NREP: variants seen among roughly 807,000 people sequenced by gnomAD.
NREP encodes the protein neuronal regeneration related protein, also known as neuronal regeneration-related protein.
In NREP, 5 loss-of-function variants were observed where a neutral mutation model predicts 8.6. The ratio of observed to expected loss-of-function variants is 0.58; its 90% CI spans 0.30 to 1.22. The LOEUF (loss-of-function observed/expected upper bound fraction) is 1.22, where lower values mean the gene tolerates loss of function less well. NREP is among the 50% of genes most tolerant of loss of function. The pLI is 0.07. For synonymous variants in NREP, 27 were observed against 28.0 expected (o/e 0.96, Z 0.11); for missense variants, 86 against 82.5 (o/e 1.04, Z -0.17).
intron 2 of NREP, among the ~76,000 whole-genome samples, chr5:111,804,064 G>A (rs10075129): frequency 0.065 from 9,947 of 152,110 alleles, 365 homozygotes; most frequent in African/African-American, 0.085. Flanking sequence ...GAGTGGTCAG[G>A]GAAAGTTTAA....
rs116237800 is a variant in NREP at position 111,892,844 on chromosome 5, G to A, written c.135+82430C>T. ...TTCCATAAACCCTACGAAAATTTGG[G>A]TTTCTTAGGATCTGAGGGTAGTGGA... is the stretch of plus-strand genomic sequence containing the variant. On this transcript the variant is annotated intron_variant, in intron 2 of 3. Coordinates refer to the NREP transcript ENST00000395634. Among the ~76,000 whole-genome samples the A allele has an allele frequency of 2.6e-3, 389 of 152,194 alleles. 3 individuals are homozygous for A. Among genetic ancestry groups the A allele is most frequent in the African/African-American group, 9.0e-3 (375 of 41,506 alleles).
At chr5:111,848,857 AG>A (rs11298816) in intron 2 of NREP, among the ~76,000 whole-genome samples, 6,955 of 152,202 alleles carry the variant, frequency 0.046, 546 homozygotes, top group African/African-American at 0.16. Context: ...CCTGAGCCTA[AG>A]AAACAGCAGT....
chr5:111,871,815 T>C (rs1412971070), intron 2 of NREP, among the ~76,000 whole-genome samples: 1 of 149,890 alleles, frequency 6.7e-6, no homozygotes, highest in Non-Finnish European at 1.5e-5. Context: ...ATATGCAGTT[T>C]GTCATTGACC....
chr5:111,742,017 T>C (rs1014352195), intron 2 of NREP, among the ~76,000 whole-genome samples: 1 of 152,126 alleles, frequency 6.6e-6, no homozygotes, highest in Non-Finnish European at 1.5e-5. Context: ...GCCTGGTAAG[T>C]CCTTAACATG....
intron 2 of NREP, 164 bp downstream of exon 2, chr5:111,755,606 T>C (rs1750649613): frequency 8.5e-6 from 6 of 709,244 alleles, no homozygotes; most frequent in South Asian, 7.3e-5. Flanking sequence ...TTCACATAAA[T>C]TGCTGTACTG....
At chr5:111,809,901 G>T (rs1752233409) in intron 2 of NREP, among the ~76,000 whole-genome samples, 1 of 150,814 alleles carries the variant, frequency 6.6e-6, no homozygotes, top group South Asian at 2.1e-4. Context: ...GTGTGTGTGT[G>T]TGTGTGTGTG....
chr5:111,809,876 T>C (rs201026521), intron 2 of NREP, among the ~76,000 whole-genome samples: 34,899 of 122,898 alleles, frequency 0.28, 5,013 homozygotes, highest in East Asian at 0.49. Context: ...TTGGCGTGTG[T>C]GTGTGTGTGT....
intron 2 of NREP, among the ~76,000 whole-genome samples, chr5:111,932,333 G>A (rs1581230069): frequency 6.6e-6 from 1 of 151,930 alleles, no homozygotes; most frequent in East Asian, 1.9e-4. Context: ...TACACTGAAT[G>A]GAATGTATTA....
At chr5:111,757,801 T>G, upstream of NREP, 1 of 970,878 alleles carries the variant, frequency 1.0e-6, no homozygotes, top group Non-Finnish European at 1.2e-6. Flanking sequence ...CGCCTCGACG[T>G]GCGGTTGCTT....
intron 2 of NREP, among the ~76,000 whole-genome samples, chr5:111,821,589 C>CA (rs1752516013): frequency 6.6e-6 from 1 of 151,908 alleles, no homozygotes; most frequent in African/African-American, 2.4e-5. Flanking sequence ...ATTTCTTGAC[C>CA]AAAAAAATGC....
intron 2 of NREP, among the ~76,000 whole-genome samples, chr5:111,738,093 T>C (rs1749310886): frequency 6.6e-6 from 1 of 152,174 alleles, no homozygotes; most frequent in Non-Finnish European, 1.5e-5. Context: ...TCCCTAGACA[T>C]AGTACCTAAA....
intron 2 of NREP, among the ~76,000 whole-genome samples, chr5:111,842,284 TA>T (rs1244460506): frequency 6.6e-6 from 1 of 152,186 alleles, no homozygotes; most frequent in African/African-American, 2.4e-5. Context: ...TTTGCTATGC[TA>T]GAGACAATGT....
intron 2 of NREP, among the ~76,000 whole-genome samples, chr5:111,938,506 A>C (rs928406846): frequency 1.3e-5 from 2 of 152,076 alleles, no homozygotes; most frequent in African/African-American, 4.8e-5. Context: ...CTTGAGAAAA[A>C]TCAGTATGGT....
At chr5:111,944,296 C>T (rs1227795066) in intron 2 of NREP, among the ~76,000 whole-genome samples, 1 of 151,918 alleles carries the variant, frequency 6.6e-6, no homozygotes, top group Non-Finnish European at 1.5e-5. Flanking sequence ...TCTCATTCCT[C>T]TTTGTTCTTC....
chr5:111,857,973 A>G lies in NREP; in HGVS notation c.135+117301T>C, dbSNP rs961932353. 5.9e-5 allele frequency among the ~76,000 whole-genome samples: 9 copies of G among 152,076 alleles called. 1 individual carries two copies. Among genetic ancestry groups the G allele is most frequent in the African/African-American group, 1.9e-4 (8 of 41,418 alleles). On this transcript the variant is annotated intron_variant, in intron 2 of 3. Transcript: ENST00000395634. ...AACTCCAAAGGAGATTAAAAAAAAA[A>G]AAAGACCCATTCAGTCCTCTGCTAT...
intron 2 of NREP, among the ~76,000 whole-genome samples, chr5:111,882,450 C>T (rs572263952): frequency 3.9e-4 from 60 of 152,200 alleles, no homozygotes; most frequent in South Asian, 2.3e-3. Context: ...GCAAGGCAGG[C>T]GACCATTTGG....
chr5:111,944,394 A>G (rs1755918239), intron 2 of NREP, among the ~76,000 whole-genome samples: 1 of 151,946 alleles, frequency 6.6e-6, no homozygotes, highest in Admixed American at 6.6e-5. Context: ...TGCAGCCTCA[A>G]CCTCCTGGGC....
intron 2 of NREP, among the ~76,000 whole-genome samples, chr5:111,787,684 T>C (rs944426080): frequency 3.3e-5 from 5 of 152,230 alleles, no homozygotes; most frequent in Non-Finnish European, 5.9e-5. Context: ...ATTCTGCATG[T>C]TAATCAGTAA....
At chr5:111,890,245 A>T (rs1205479302) in intron 2 of NREP, among the ~76,000 whole-genome samples, 1 of 136,502 alleles carries the variant, frequency 7.3e-6, no homozygotes, top group South Asian at 2.2e-4. Context: ...CCTTCATTCT[A>T]TATCTCACAT....
Sources: gnomAD v4.1 joint callset for allele counts (sites outside exome capture counted in the v4.1 genomes callset) on GRCh38, gnomAD v4.1.1 for gene constraint, MANE v1.5 for transcripts, NCBI Gene and HGNC (gene_info 2026-07-23, HGNC 2026-07-21) for gene names.